The following KLHL2 variants were observed in gnomAD, a reference collection of about 807,000 sequenced individuals.
KLHL2 encodes the protein kelch-like protein 2.
KLHL2 carries 15 observed loss-of-function variants against 75.8 expected under a neutral mutation model. The observed-to-expected ratio is 0.20, with a 90% CI of 0.13 to 0.30. The LOEUF is 0.30. KLHL2 is among the 10% of genes least tolerant of loss of function. The probability of loss-of-function intolerance (pLI) is 1.00; values close to 1 mark genes in which losing one functional copy is unlikely to be tolerated. For synonymous variants in KLHL2, 214 were observed against 251.9 expected (o/e 0.85, Z 1.42); for missense variants, 381 against 741.0 (o/e 0.51, Z 5.64).
chr4:165,278,755 A>T, intron 5 of KLHL2: 2 of 1,580,832 alleles, frequency 1.3e-6, no homozygotes, highest in South Asian at 1.1e-5. Flanking sequence ...GAAGGCCATG[A>T]TCAGAAAATA....
At chr4:165,209,139 G>A (rs1382849097) in intron 1 of KLHL2, among the ~76,000 whole-genome samples, 1 of 152,144 alleles carries the variant, frequency 6.6e-6, no homozygotes, top group Non-Finnish European at 1.5e-5. Flanking sequence ...CAGGGGCTTA[G>A]TCACCTCTCG....
chr4:165,321,200 T>C (rs1746951137), intron 14 of KLHL2: 11 of 452,894 alleles, frequency 2.4e-5, no homozygotes, highest in South Asian at 1.6e-4. Context: ...TTGCACCAAG[T>C]GTGTCTGCCT....
At chr4:165,233,935 T>C (rs561885602) in intron 3 of KLHL2, among the ~76,000 whole-genome samples, 382 of 152,336 alleles carry the variant, frequency 2.5e-3, no homozygotes, top group Non-Finnish European at 4.5e-3. Flanking sequence ...GAAAATTTCA[T>C]CAAGAATCTT....
chr4:165,284,615 GTCA>G (rs1333745672), intron 5 of KLHL2, among the ~76,000 whole-genome samples: 9 of 152,024 alleles, frequency 5.9e-5, no homozygotes, highest in African/African-American at 1.5e-4. Context: ...ACATTTTTCT[GTCA>G]TCTTCTTCTG....
chr4:165,284,130 C>G (rs1743904440), intron 5 of KLHL2, among the ~76,000 whole-genome samples: 1 of 152,214 alleles, frequency 6.6e-6, no homozygotes, highest in South Asian at 2.1e-4. Flanking sequence ...CTGCAAAGGT[C>G]TCTGACATGC....
At chr4:165,210,685 A>G (rs145336433) in intron 1 of KLHL2, among the ~76,000 whole-genome samples, 2 of 152,356 alleles carry the variant, frequency 1.3e-5, no homozygotes, top group Non-Finnish European at 2.9e-5. Flanking sequence ...GTTTAGATGT[A>G]GATTAGTAAA....
At chr4:165,279,650 C>G (rs747621033) in intron 5 of KLHL2, 3 of 1,611,040 alleles carry the variant, frequency 1.9e-6, no homozygotes, top group Non-Finnish European at 2.5e-6. Flanking sequence ...TGCCATGAAA[C>G]CAGCTTCAGG....
intron 2 of KLHL2, among the ~76,000 whole-genome samples, chr4:165,226,990 A>G (rs1738492255): frequency 6.6e-6 from 1 of 152,218 alleles, no homozygotes; most frequent in African/African-American, 2.4e-5. Flanking sequence ...AAACTCTTGC[A>G]TAGTACCTTC....
chr4:165,315,906 T>C (rs72701616), intron 13 of KLHL2, among the ~76,000 whole-genome samples: 31,198 of 152,176 alleles, frequency 0.21, 3,918 homozygotes, highest in Non-Finnish European at 0.29. Flanking sequence ...GTATGGTAAA[T>C]TATGACACCA....
At chr4:165,231,606 T>C (rs1395668803) in intron 3 of KLHL2, among the ~76,000 whole-genome samples, 1 of 152,252 alleles carries the variant, frequency 6.6e-6, no homozygotes, top group East Asian at 1.9e-4. Flanking sequence ...GCTGTTCTTA[T>C]TGCTAAATAG....
At chr4:165,281,294 G>C (rs1231368055) in intron 5 of KLHL2, among the ~76,000 whole-genome samples, 3 of 145,692 alleles carry the variant, frequency 2.1e-5, no homozygotes, top group Admixed American at 6.8e-5. Context: ...CTAACCTGAT[G>C]CTCTCTCTCT....
At chr4:165,219,811 G>A (rs1737841496) in intron 1 of KLHL2, 123 bp from the exon 2 acceptor site, 1 of 1,369,188 alleles carries the variant, frequency 7.3e-7, no homozygotes, top group Admixed American at 3.0e-5. Context: ...TTCTGTCCAT[G>A]AGACTTCCTC....
At chr4:165,256,002 C>T (rs1268757038) in intron 4 of KLHL2, among the ~76,000 whole-genome samples, 4 of 151,854 alleles carry the variant, frequency 2.6e-5, no homozygotes, top group Non-Finnish European at 5.9e-5. Context: ...TGAAAATAAA[C>T]TACAGATCCT....
rs1365898288 is a variant in KLHL2, at chr4:165,311,450, G to A, written c.1238-14G>A. The A allele has an allele frequency of 1.3e-6, 2 of 1,561,224 alleles. No homozygotes were observed. Among genetic ancestry groups the A allele is most frequent in the African/African-American group, 1.4e-5 (1 of 73,578 alleles). On this transcript the variant is annotated splice_polypyrimidine_tract_variant and intron_variant, in intron 10 of 14. Coordinates refer to ENST00000226725, the MANE Select transcript of KLHL2 (RefSeq NM_007246.4). Reference sequence around the variant, plus strand: ...TTTAGAGAAGGAAATGAAGACTATTGTGCTTTATTATAGGTTTGTCATCTG... The same window carrying A: ...TTTAGAGAAGGAAATGAAGACTATTATGCTTTATTATAGGTTTGTCATCTG...
At chr4:165,251,081 TAA>T (rs200238515) in intron 4 of KLHL2, among the ~76,000 whole-genome samples, 42,015 of 150,068 alleles carry the variant, frequency 0.28, 6,126 homozygotes, top group African/African-American at 0.33. Context: ...CCTTTGTGAG[TAA>T]AAAAGGGTTT....
At chr4:165,257,009 ATTGAC>A (rs1251136709) in intron 4 of KLHL2, among the ~76,000 whole-genome samples, 1 of 152,194 alleles carries the variant, frequency 6.6e-6, no homozygotes, top group Non-Finnish European at 1.5e-5. Context: ...ATATTATAGA[ATTGAC>A]TTTATTTTTC....
chr4:165,247,076 T>C (rs575931502), intron 4 of KLHL2, among the ~76,000 whole-genome samples: 8 of 152,338 alleles, frequency 5.3e-5, no homozygotes, highest in African/African-American at 1.7e-4. Context: ...TCAGATGTTC[T>C]TGATAGGTCA....
chr4:165,299,562 T>C lies in KLHL2; in HGVS notation c.827T>C (p.Ile276Thr), dbSNP rs969356066. 6.2e-7 allele frequency: 1 copy of C among 1,613,916 alleles called. No individual in the cohort carries two copies. Among genetic ancestry groups the C allele is most frequent in the Non-Finnish European group, 8.5e-7 (1 of 1,179,916 alleles). ...AGCAGTGCTTGCAAAGATTACCTCA[T>C]TGAAGCAATGAAGTACCATTTGCTG... Reference protein sequence around the residue: ...KNSSACKDYLIEAMKYHLLPT... With the variant: ...KNSSACKDYLTEAMKYHLLPT... Residue 276 changes from isoleucine to threonine, a missense_variant, in exon 8 of 15, where the codon ATT becomes ACT. Coordinates refer to ENST00000226725, the MANE Select transcript of KLHL2 (RefSeq NM_007246.4).
intron 5 of KLHL2, among the ~76,000 whole-genome samples, chr4:165,283,160 T>C (rs6536901): frequency 0.45 from 68,320 of 151,954 alleles, 16,767 homozygotes; most frequent in African/African-American, 0.64. Flanking sequence ...GATGAGATTT[T>C]GTGGAGACAC....
Sources: gnomAD v4.1 joint callset for allele counts (sites outside exome capture counted in the v4.1 genomes callset) on GRCh38, gnomAD v4.1.1 for gene constraint, MANE v1.5 for transcripts, NCBI Gene and HGNC (gene_info 2026-07-23, HGNC 2026-07-21) for gene names.